The following SRRM1 variants were observed in gnomAD, a reference collection of about 807,000 sequenced individuals.
The protein encoded by SRRM1 is serine/arginine repetitive matrix protein 1.
In SRRM1, 19 loss-of-function variants were observed where a neutral mutation model predicts 110.2. The observed-to-expected ratio is 0.17, with a 90% CI of 0.12 to 0.25. The LOEUF is 0.25. Among genes scored for constraint, SRRM1 ranks in the 10% least tolerant of loss-of-function variants. The pLI is 1.00. For missense variants in SRRM1, 918 were observed against 1,145.8 expected, an observed-to-expected ratio of 0.80 and a Z score of 2.87; for synonymous variants, 443 against 414.9, an observed-to-expected ratio of 1.07 and a Z score of -0.82.
chr1:24,650,997 T>G (rs1357723562), intron 5 of SRRM1, among the ~76,000 whole-genome samples: 1 of 152,248 alleles, frequency 6.6e-6, no homozygotes, highest in African/African-American at 2.4e-5. Context: ...GTCATTTTTC[T>G]GGCATACTGA....
intron 4 of SRRM1, among the ~76,000 whole-genome samples, chr1:24,649,520 T>C (rs1374800333): frequency 6.6e-6 from 1 of 152,206 alleles, no homozygotes; most frequent in African/African-American, 2.4e-5. Flanking sequence ...GATTTTGCCA[T>C]GTTGGCCAGA....
intron 12 of SRRM1, among the ~76,000 whole-genome samples, chr1:24,664,165 T>G (rs1475760838): frequency 1.3e-5 from 2 of 151,800 alleles, no homozygotes; most frequent in East Asian, 3.9e-4. Flanking sequence ...CCAGCTAATT[T>G]TTGTATTTTT....
intron 13 of SRRM1, 68 bp from the exon 14 acceptor site, chr1:24,669,055 T>G: frequency 7.3e-7 from 1 of 1,361,694 alleles, no homozygotes; most frequent in South Asian, 1.3e-5. Context: ...CCAAACCTAC[T>G]GATTACTTTT....
At position 24,672,977 on chromosome 1, in the gene SRRM1, G is replaced by A. The variant is rs1557766522; in HGVS notation, c.*691G>A. 6.6e-6 allele frequency: 1 copy of A among 151,650 alleles called. No homozygotes were observed. The highest frequency in any genetic ancestry group is 1.5e-5 in the Non-Finnish European group (1 of 67,936). The allele number at this position is 151,650 out of a possible 1,614,324, so 9.4% of individuals were successfully genotyped here. ...ATTCTGGTTTTGTTTTTTTTGTTTT[G>A]TTTTTTTTCTTTTGTAAAGGCAATG... is the stretch of plus-strand genomic sequence containing the variant. On this transcript the variant is annotated 3_prime_UTR_variant, in exon 17 of 17. Coordinates refer to ENST00000323848, the MANE Select transcript of SRRM1 (RefSeq NM_005839.4).
At chr1:24,671,360 T>C (rs777179245) in intron 15 of SRRM1, 26 bp from the exon 16 acceptor site, 2 of 1,562,040 alleles carry the variant, frequency 1.3e-6, no homozygotes, top group Non-Finnish European at 8.7e-7. Context: ...TTATAAATGC[T>C]GGGTGTTGTT....
chr1:24,669,271 C>T lies in SRRM1; in HGVS notation c.1888C>T (p.Pro630Ser), dbSNP rs755807274. 2.5e-6 allele frequency: 4 copies of T among 1,614,174 alleles called. No individual in the cohort carries two copies. Among genetic ancestry groups the T allele is most frequent in the Non-Finnish European group, 3.4e-6 (4 of 1,180,034 alleles). ...PPKRRASPSP[P>S]PKRRVSHSPP... Reference sequence around the variant, plus strand: ...TAAACGAAGAGCATCACCATCTCCACCACCAAAGCGGCGGGTCTCCCATTC... The same window carrying T: ...TAAACGAAGAGCATCACCATCTCCATCACCAAAGCGGCGGGTCTCCCATTC... Residue 630 changes from proline (P) to serine (S), a missense_variant, in exon 14 of 17, where the codon CCA becomes TCA. Transcript: ENST00000323848.
chr1:24,651,782 GC>G (rs1029048131), intron 6 of SRRM1, among the ~76,000 whole-genome samples, 170 bp downstream of exon 6: 9 of 151,768 alleles, frequency 5.9e-5, no homozygotes, highest in Non-Finnish European at 1.3e-4. Flanking sequence ...AGAAGAAAAT[GC>G]CCCAGAGGGT....
At chr1:24,651,265 T>G (rs1257123306) in intron 5 of SRRM1, 144 bp from the exon 6 acceptor site, 1 of 645,430 alleles carries the variant, frequency 1.5e-6, no homozygotes, top group East Asian at 2.7e-5. Flanking sequence ...TCAAGTAGAT[T>G]AGGTTAGCAT....
At chr1:24,644,196 C>T (rs577719450) in intron 1 of SRRM1, among the ~76,000 whole-genome samples, 3 of 152,134 alleles carry the variant, frequency 2.0e-5, no homozygotes, top group South Asian at 2.1e-4. Flanking sequence ...GTTACTCCGT[C>T]GTAGTTGGTT....
Position 24,652,917 on chromosome 1 carries a change from T to C in SRRM1, c.925T>C (p.Tyr309His), listed in dbSNP as rs768501288. 1.9e-6 allele frequency: 3 copies of C among 1,613,666 alleles called. No individual in the cohort carries two copies. Among genetic ancestry groups the C allele is most frequent in the African/African-American group, 2.7e-5 (2 of 74,906 alleles). Reference sequence around the variant, plus strand: ...TAATTCTCTTTGTTATGGCAGATCGTATTCACCTAGAAGGCGGCCAAGCCC... The same window carrying C: ...TAATTCTCTTTGTTATGGCAGATCGCATTCACCTAGAAGGCGGCCAAGCCC... ...RRRHRSRSRSYSPRRRPSPRR... is the reference protein window; with the variant it reads ...RRRHRSRSRSHSPRRRPSPRR... The change falls in exon 8 of 17, where the codon TAT becomes CAT. Residue 309 changes from tyrosine to histidine, a missense_variant. By Grantham distance (83) the Tyr-to-His change is moderately conservative. Transcript: ENST00000323848.
At chr1:24,655,911 T>A in intron 9 of SRRM1, among the ~76,000 whole-genome samples, 1 of 152,144 alleles carries the variant, frequency 6.6e-6, no homozygotes, top group Non-Finnish European at 1.5e-5. Context: ...ATCTGTAGGT[T>A]AACACACGCT....
chr1:24,655,757 A>T (rs750785401), intron 9 of SRRM1, among the ~76,000 whole-genome samples: 1 of 152,182 alleles, frequency 6.6e-6, no homozygotes, highest in Admixed American at 6.5e-5. Context: ...TGTGAGCATT[A>T]AATACGCATG....
chr1:24,643,494 C>CG (rs1210154618), intron 1 of SRRM1, 147 bp downstream of exon 1: 32 of 557,342 alleles, frequency 5.7e-5, no homozygotes, highest in African/African-American at 7.8e-5. Flanking sequence ...CCCCCCCCCC[C>CG]CCGTGCGCTG....
intron 9 of SRRM1, among the ~76,000 whole-genome samples, chr1:24,655,472 T>G (rs1557689506): frequency 6.6e-6 from 1 of 152,220 alleles, no homozygotes; most frequent in Non-Finnish European, 1.5e-5. Context: ...CTTTTTTTTC[T>G]CCTGAAGATT....
At chr1:24,652,339 A>G (rs908959371) in intron 6 of SRRM1, 95 bp from the exon 7 acceptor site, 1 of 909,844 alleles carries the variant, frequency 1.1e-6, no homozygotes, top group Non-Finnish European at 1.6e-6. Context: ...GAATTTTGAA[A>G]AGTTTTAGAA....
intron 9 of SRRM1, 149 bp downstream of exon 9, chr1:24,655,278 T>A (rs748154083): frequency 1.7e-4 from 171 of 978,198 alleles, no homozygotes; most frequent in Non-Finnish European, 2.4e-4. Context: ...TAAGCCTACC[T>A]CTTTCCTGCT....
chr1:24,660,482 G>A (rs1666608403), intron 9 of SRRM1, among the ~76,000 whole-genome samples: 1 of 152,102 alleles, frequency 6.6e-6, no homozygotes, highest in Non-Finnish European at 1.5e-5. Flanking sequence ...ACCCATTTTT[G>A]TAATAGCAGG....
chr1:24,652,029 AATATATAT>A (rs1215778545), intron 6 of SRRM1, among the ~76,000 whole-genome samples: 2,257 of 79,860 alleles, frequency 0.028, 134 homozygotes, highest in African/African-American at 0.076. Context: ...CTGTACTAAA[AATATATAT>A]ATATATATAT....
At chr1:24,664,622 A>G (rs1043336744) in intron 12 of SRRM1, among the ~76,000 whole-genome samples, 4 of 152,222 alleles carry the variant, frequency 2.6e-5, no homozygotes, top group Non-Finnish European at 5.9e-5. Flanking sequence ...AATCTCATCA[A>G]TAAGAGTGTT....
Sources: gnomAD v4.1 joint callset for allele counts (sites outside exome capture counted in the v4.1 genomes callset) on GRCh38, gnomAD v4.1.1 for gene constraint, MANE v1.5 for transcripts, NCBI Gene and HGNC (gene_info 2026-07-23, HGNC 2026-07-21) for gene names.